The following HLCS variants were observed in gnomAD, a reference collection of about 807,000 sequenced individuals.
HLCS encodes the protein holocarboxylase synthetase, also known as biotin--protein ligase.
In HLCS, 53 loss-of-function variants were observed where a neutral mutation model predicts 75.0. The ratio of observed to expected loss-of-function variants is 0.71; its 90% confidence interval spans 0.57 to 0.89. HLCS has a LOEUF of 0.89. Among genes scored for constraint, HLCS ranks in the 40% least tolerant of loss-of-function variants. The pLI is 0.00. For missense variants in HLCS, 966 were observed against 1,074.0 expected, an observed-to-expected ratio of 0.90 and a Z score of 1.41; for synonymous variants, 431 against 428.6, an observed-to-expected ratio of 1.01 and a Z score of -0.07.
intron 1 of HLCS, among the ~76,000 whole-genome samples, chr21:36,983,531 C>T (rs1009510947): frequency 6.6e-6 from 1 of 151,704 alleles, no homozygotes; most frequent in Non-Finnish European, 1.5e-5. Flanking sequence ...TTAATAGCAA[C>T]AATCCTTATA....
intron 1 of HLCS, among the ~76,000 whole-genome samples, chr21:36,986,121 C>T (rs976075095): frequency 2.0e-5 from 3 of 152,052 alleles, no homozygotes; most frequent in Admixed American, 6.6e-5. Context: ...GCTGTTATTG[C>T]GGGAGTGGGC....
At chr21:36,855,032 T>C (rs558249842) in intron 6 of HLCS, among the ~76,000 whole-genome samples, 3 of 151,832 alleles carry the variant, frequency 2.0e-5, no homozygotes, top group South Asian at 4.2e-4. Flanking sequence ...GCTACACTAT[T>C]CATAGTGTCC....
At chr21:36,820,289 C>T (rs142298870) in intron 6 of HLCS, among the ~76,000 whole-genome samples, 2 of 152,350 alleles carry the variant, frequency 1.3e-5, no homozygotes, top group African/African-American at 4.8e-5. Flanking sequence ...GAACTGGGAA[C>T]AGGTGAGAGC....
At chr21:36,961,298 G>A (rs2068277758) in intron 2 of HLCS, among the ~76,000 whole-genome samples, 1 of 152,228 alleles carries the variant, frequency 6.6e-6, no homozygotes, top group Non-Finnish European at 1.5e-5. Context: ...TGACCTGAGA[G>A]AGAGTGCTGC....
Position 36,754,217 on chromosome 21 carries a change from A to G in HLCS, c.*29T>C. ...GATTTCCAGATGCATGGGCACGGAC[A>G]GGCAGCCGCGTCTCGGGGACGCCCG... On this transcript the variant is annotated 3_prime_UTR_variant, in exon 11 of 11. Coordinates refer to ENST00000674895, the MANE Select transcript of HLCS (RefSeq NM_001352514.2). The G allele has an allele frequency of 6.2e-7, 1 of 1,611,474 alleles. No homozygotes were observed. The highest frequency in any genetic ancestry group is 8.5e-7 in the Non-Finnish European group (1 of 1,178,522).
At chr21:36,832,955 G>A (rs1209603317) in intron 6 of HLCS, among the ~76,000 whole-genome samples, 2 of 151,986 alleles carry the variant, frequency 1.3e-5, no homozygotes, top group South Asian at 2.1e-4. Context: ...TGAAGAGCTT[G>A]TTCCTTATTT....
chr21:36,966,730 C>T (rs1472411289), upstream of HLCS: 2 of 532,094 alleles, frequency 3.8e-6, no homozygotes, highest in Non-Finnish European at 4.8e-6. Context: ...CGCGCCGCCC[C>T]CCCGGGCCAG....
intron 1 of HLCS, among the ~76,000 whole-genome samples, chr21:36,978,498 CA>C (rs35614243): frequency 1.3e-3 from 181 of 138,522 alleles, no homozygotes; most frequent in Middle Eastern, 3.6e-3. Flanking sequence ...CCACCTCAAA[CA>C]AAAAAAAAAA....
Position 36,756,552 on chromosome 21 carries a change from A to G in HLCS, c.2440T>C (p.Trp814Arg). The change falls in exon 10 of 11, where the codon TGG (tryptophan) becomes CGG (arginine). Residue 814 changes from tryptophan (W) to arginine (R), a missense_variant. Transcript: ENST00000674895. ...TGAGCCAGCACTGACCTGTGGACCC[A>G]GTATCGGTAATAAAGGGGAAGGACG... ...NSVLPLYYRY[W>R]VHSGQQVHLG... The G allele has an allele frequency of 1.2e-6, 2 of 1,605,012 alleles. No homozygotes were observed. Among genetic ancestry groups the G allele is most frequent in the Non-Finnish European group, 1.7e-6 (2 of 1,174,210 alleles).
At chr21:36,902,946 A>T (rs1422274016) in intron 5 of HLCS, among the ~76,000 whole-genome samples, 1 of 152,184 alleles carries the variant, frequency 6.6e-6, no homozygotes, top group Non-Finnish European at 1.5e-5. Context: ...ACCGACCACA[A>T]ATGAGACACT....
In HLCS at chr21:36,764,401, A is replaced by C. The variant is rs574414705; in HGVS notation, c.2121+611T>G. Among the ~76,000 whole-genome samples, 12 of 152,138 alleles carry C rather than the reference A, an allele frequency of 7.9e-5. No individual in the cohort carries two copies. In the South Asian group the frequency reaches 2.5e-3, roughly 32 times the overall value. ...ACAAAGTGAGACTCTGTCTCAAAAA[A>C]ATAAATACATAAGTAAACATGACCA... On this transcript the variant is annotated intron_variant, in intron 8 of 10. Coordinates refer to ENST00000674895, the MANE Select transcript of HLCS (RefSeq NM_001352514.2).
intron 2 of HLCS, chr21:36,944,051 C>T (rs1020469403): frequency 6.6e-6 from 1 of 152,170 alleles, no homozygotes; most frequent in Non-Finnish European, 1.5e-5. Context: ...GGCTTCTAGA[C>T]ACTTCAGAAT....
rs2089753607 is a variant in HLCS, at chr21:36,759,726, C to G, written c.2236+1G>C. The G allele has an allele frequency of 6.5e-7, 1 of 1,550,338 alleles. No homozygotes were observed. ...CTGGGGGAAAGGTTTTTGAAACTTA[C>G]CAATAAGTATATAAAATGTTTCTCC... is the stretch of plus-strand genomic sequence containing the variant. On this transcript the variant is annotated splice_donor_variant, in intron 9 of 10. Transcript: ENST00000674895. LOFTEE classifies it high-confidence loss of function.
Position 36,938,890 on chromosome 21 carries a change from C to A in HLCS, c.435G>T (p.Val145=), listed in dbSNP as rs749931753. The stretch of plus-strand genomic sequence containing the variant: ...TGTGGAGTCTATCTTCCATGAACGC[C>A]ACCCCCAGCTTGCTGAAGTTGTCCA... ...ASVDNFSKLG[V]AFMEDRLHMD... is the part of the protein sequence containing the mutation. The change falls in exon 3 of 11, where the codon GTG becomes GTT. Residue 145 remains valine, a synonymous_variant. Coordinates refer to ENST00000674895, the MANE Select transcript of HLCS (RefSeq NM_001352514.2). The A allele has an allele frequency of 3.7e-6, 6 of 1,613,978 alleles. No homozygotes were observed. The South Asian group carries it at 4.4e-5, about 12-fold the overall frequency.
Position 36,754,419 on chromosome 21 carries a change from T to C in HLCS, c.2451-2A>G, listed in dbSNP as rs1346543877. ...CTGCCCAGATGGACTTGCTGACCAC[T>C]GAAAAGGAAGAACAGCGTGCGGTCA... On this transcript the variant is annotated splice_acceptor_variant, in intron 10 of 10. Coordinates refer to ENST00000674895, the MANE Select transcript of HLCS (RefSeq NM_001352514.2). LOFTEE classifies it high-confidence loss of function. 6.8e-6 allele frequency: 11 copies of C among 1,611,508 alleles called. No homozygotes were observed. The highest frequency in any genetic ancestry group is 9.3e-6 in the Non-Finnish European group (11 of 1,179,818).
chr21:36,798,395 G>A (rs115537176), intron 6 of HLCS, among the ~76,000 whole-genome samples: 2,170 of 152,200 alleles, frequency 0.014, 44 homozygotes, highest in African/African-American at 0.049. Context: ...TTGTTTATCC[G>A]TTCACCAAAT....
intron 6 of HLCS, among the ~76,000 whole-genome samples, chr21:36,793,327 G>A (rs948590786): frequency 6.1e-5 from 7 of 114,820 alleles, no homozygotes; most frequent in African/African-American, 1.6e-4. Flanking sequence ...ATAGAGTCTC[G>A]CTCTGTTGCC....
Position 36,937,089 on chromosome 21 carries a change from G to A in HLCS, c.797C>T (p.Ser266Leu). 6.2e-7 allele frequency: 1 copy of A among 1,614,150 alleles called. No individual in the cohort carries two copies. Among genetic ancestry groups the A allele is most frequent in the Non-Finnish European group, 8.5e-7 (1 of 1,180,028 alleles). ...CLELENSTIE[S>L]VKFASAENIP... ...GTTCTCGGCAGACGCAAACTTGACT[G>A]ACTCAATGGTGCTGTTCTCAAGTTC... Residue 266 changes from serine (S) to leucine (L), a missense_variant, in exon 4 of 11, where the codon TCA becomes TTA. Transcript: ENST00000674895.
At chr21:36,836,716 C>A (rs1206208776) in intron 6 of HLCS, among the ~76,000 whole-genome samples, 2 of 151,852 alleles carry the variant, frequency 1.3e-5, no homozygotes, top group African/African-American at 2.4e-5. Flanking sequence ...CATGAACAGA[C>A]ACTTCTCAAA....
Sources: gnomAD v4.1 joint callset for allele counts (sites outside exome capture counted in the v4.1 genomes callset) on GRCh38, gnomAD v4.1.1 for gene constraint, MANE v1.5 for transcripts, NCBI Gene and HGNC (gene_info 2026-07-23, HGNC 2026-07-21) for gene names.